FRMPD2: variants seen among roughly 807,000 people sequenced by gnomAD.
The protein encoded by FRMPD2 is FERM and PDZ domain containing 2.
A neutral mutation model predicts 140.1 loss-of-function variants in FRMPD2; 96 were observed. The ratio of observed to expected loss-of-function variants is 0.69; its 90% CI spans 0.58 to 0.81. FRMPD2 has a LOEUF of 0.81. FRMPD2 is among the 40% of genes least tolerant of loss of function. The pLI is 0.00. For missense variants in FRMPD2, 1,240 were observed against 1,447.4 expected (o/e 0.86, Z 2.32); for synonymous variants, 449 against 547.6 (o/e 0.82, Z 2.52).
chr10:48,206,168 A>G (rs1056485136), intron 14 of FRMPD2, among the ~76,000 whole-genome samples: 4 of 152,202 alleles, frequency 2.6e-5, no homozygotes, highest in African/African-American at 4.8e-5. Flanking sequence ...GTGTTCAAGT[A>G]GATTCCAAAT....
At position 48,212,082 on chromosome 10, in the gene FRMPD2, C is replaced by T. The variant is rs368786932; in HGVS notation, c.1483G>A (p.Val495Ile). 3.3e-5 allele frequency: 54 copies of T among 1,613,862 alleles called. No homozygotes were observed. The highest frequency in any genetic ancestry group is 1.5e-4 in the African/African-American group (11 of 74,894). Residue 495 changes from valine (V) to isoleucine (I), a missense_variant, in exon 13 of 29, where the codon GTT (valine) becomes ATT (isoleucine). Physicochemically the swap from Val to Ile is conservative, Grantham distance 29 (BLOSUM62 3). Transcript: ENST00000374201. ...AGACTCGCTGGGATGTAATCTTCAA[C>T]GTGAAAGTATGGCTTACTCTCCACC... is the stretch of plus-strand genomic sequence containing the variant. ...EQVESKPYFHVEDYIPASLIE... is the reference protein window; with the variant it reads ...EQVESKPYFHIEDYIPASLIE...
intron 1 of FRMPD2, among the ~76,000 whole-genome samples, chr10:48,269,529 A>G (rs774513327): frequency 2.0e-5 from 3 of 152,170 alleles, no homozygotes; most frequent in Non-Finnish European, 4.4e-5. Context: ...CACGGAGAGC[A>G]TAGCCTTCTC....
chr10:48,202,876 C>G (rs1839121255), intron 14 of FRMPD2, among the ~76,000 whole-genome samples: 1 of 152,180 alleles, frequency 6.6e-6, no homozygotes. Flanking sequence ...TCATAGTTCA[C>G]TGATACCTTG....
At chr10:48,181,667 G>C (rs1838551151) in intron 20 of FRMPD2, among the ~76,000 whole-genome samples, 1 of 151,932 alleles carries the variant, frequency 6.6e-6, no homozygotes, top group Non-Finnish European at 1.5e-5. Flanking sequence ...TTGTGAATCA[G>C]TAGAAAAACC....
At chr10:48,231,378 G>A (rs770520977) in intron 10 of FRMPD2, among the ~76,000 whole-genome samples, 2 of 152,206 alleles carry the variant, frequency 1.3e-5, no homozygotes, top group African/African-American at 2.4e-5. Context: ...CACAAGGACA[G>A]CTCGCCACAC....
At chr10:48,231,986 T>C (rs1166850277) in intron 10 of FRMPD2, 129 bp downstream of exon 10, 4 of 754,202 alleles carry the variant, frequency 5.3e-6, no homozygotes, top group Admixed American at 2.2e-5. Context: ...TGCTGACTAA[T>C]GTCTAGGCAT....
chr10:48,162,918 TA>T (rs71023202), intron 28 of FRMPD2, among the ~76,000 whole-genome samples: 38,564 of 98,908 alleles, frequency 0.39, 6,256 homozygotes, highest in Non-Finnish European at 0.46. Flanking sequence ...ACCCCATCTT[TA>T]AAAAAAAAAA....
At chr10:48,214,609 A>G (rs997195263) in intron 12 of FRMPD2, among the ~76,000 whole-genome samples, 4 of 152,218 alleles carry the variant, frequency 2.6e-5, no homozygotes, top group African/African-American at 9.6e-5. Context: ...ATTAAAGTCT[A>G]TTAAAACTTT....
chr10:48,259,365 T>G (rs1840539910), intron 1 of FRMPD2, among the ~76,000 whole-genome samples: 2 of 152,216 alleles, frequency 1.3e-5, no homozygotes, highest in Non-Finnish European at 2.9e-5. Context: ...AAATTTAAAT[T>G]TCTGCAAAAG....
chr10:48,252,004 T>A (rs186915816), intron 1 of FRMPD2, among the ~76,000 whole-genome samples: 209 of 152,290 alleles, frequency 1.4e-3, no homozygotes, highest in Non-Finnish European at 1.3e-3. Context: ...GAACAGCACC[T>A]CCCAGCTGGG....
intron 15 of FRMPD2, among the ~76,000 whole-genome samples, chr10:48,194,943 C>T (rs1438521415): frequency 6.6e-6 from 1 of 152,202 alleles, no homozygotes. Context: ...GTCCCAAAGC[C>T]ACTAGCAAGC....
chr10:48,271,821 G>C (rs1401446682), intron 1 of FRMPD2, among the ~76,000 whole-genome samples: 2 of 152,194 alleles, frequency 1.3e-5, no homozygotes, highest in Non-Finnish European at 2.9e-5. Context: ...GGAAGAGCAG[G>C]CTCCGAGGTC....
chr10:48,268,364 A>G (rs767504688), intron 1 of FRMPD2, among the ~76,000 whole-genome samples: 4 of 152,226 alleles, frequency 2.6e-5, no homozygotes, highest in Non-Finnish European at 5.9e-5. Context: ...TACTCTTACT[A>G]TACAACTGAG....
chr10:48,264,919 A>C (rs890599871), intron 1 of FRMPD2, among the ~76,000 whole-genome samples: 1 of 152,162 alleles, frequency 6.6e-6, no homozygotes, highest in African/African-American at 2.4e-5. Flanking sequence ...AATCCTATAC[A>C]AAAAGAACAA....
At position 48,260,052 on chromosome 10, in the gene FRMPD2, C is replaced by A. The variant is rs147055159; in HGVS notation, c.26-8361G>T. Among the ~76,000 whole-genome samples the A allele has an allele frequency of 6.7e-3, 1,008 of 151,528 alleles. 10 individuals are homozygous for A. Among genetic ancestry groups the A allele is most frequent in the African/African-American group, 0.023 (935 of 41,266 alleles). On this transcript the variant is annotated intron_variant, in intron 1 of 28. Coordinates refer to ENST00000374201, the MANE Select transcript of FRMPD2 (RefSeq NM_001018071.4). Reference sequence around the variant, plus strand: ...ATATCCAAGAACTGTGGAACAATTACAAAAGGTATAACATATGTGTAAAAG... The same window carrying A: ...ATATCCAAGAACTGTGGAACAATTAAAAAAGGTATAACATATGTGTAAAAG...
At chr10:48,220,492 A>G (rs1839557970) in intron 12 of FRMPD2, among the ~76,000 whole-genome samples, 1 of 152,242 alleles carries the variant, frequency 6.6e-6, no homozygotes, top group African/African-American at 2.4e-5. Flanking sequence ...ATTTGAGAAG[A>G]TAACACCAGA....
chr10:48,240,351 C>A lies in FRMPD2; in HGVS notation c.700+9G>T. On this transcript the variant is annotated intron_variant, in intron 6 of 28. Coordinates refer to ENST00000374201, the MANE Select transcript of FRMPD2 (RefSeq NM_001018071.4). ...GCCCACGCAGGGACTGCTTAGGGCA[C>A]GTACCCACCTCTGCAAGGATGCAGA... The A allele has an allele frequency of 6.2e-7, 1 of 1,610,380 alleles. No individual in the cohort carries two copies. Among genetic ancestry groups the A allele is most frequent in the Non-Finnish European group, 8.5e-7 (1 of 1,179,896 alleles).
chr10:48,185,463 G>A (rs1343422928), intron 18 of FRMPD2, 90 bp downstream of exon 18: 2 of 853,190 alleles, frequency 2.3e-6, no homozygotes, highest in East Asian at 2.4e-5. Flanking sequence ...TAGGAAAGGG[G>A]AGTAGGCAAG....
chr10:48,257,513 C>G (rs1240168885), intron 1 of FRMPD2, among the ~76,000 whole-genome samples: 4 of 152,136 alleles, frequency 2.6e-5, no homozygotes, highest in Non-Finnish European at 5.9e-5. Context: ...CTCCTCACCT[C>G]AAGTGATCCG....
Sources: gnomAD v4.1 joint callset for allele counts (sites outside exome capture counted in the v4.1 genomes callset) on GRCh38, gnomAD v4.1.1 for gene constraint, MANE v1.5 for transcripts, NCBI Gene and HGNC (gene_info 2026-07-23, HGNC 2026-07-21) for gene names.